The following AGK variants were observed in gnomAD, a reference collection of about 807,000 sequenced individuals.
AGK encodes acylglycerol kinase.
AGK carries 52 observed loss-of-function variants against 66.4 expected under a neutral mutation model. That is an observed-to-expected ratio of 0.78 (90% CI 0.63 to 0.99). The LOEUF is 0.99. AGK is among the 50% of genes least tolerant of loss of function. The pLI, the probability that AGK is intolerant of heterozygous loss-of-function variation, is 0.00. For synonymous variants in AGK, 182 were observed against 181.1 expected (o/e 1.00, Z -0.04); for missense variants, 451 against 506.6 (o/e 0.89, Z 1.05).
At chr7:141,623,672 C>A (rs954288352) in intron 9 of AGK, among the ~76,000 whole-genome samples, 1 of 152,206 alleles carries the variant, frequency 6.6e-6, no homozygotes, top group African/African-American at 2.4e-5. Flanking sequence ...CAGCAATTAG[C>A]TGATGGAGAA....
intron 5 of AGK, among the ~76,000 whole-genome samples, chr7:141,603,339 C>T (rs1430137538): frequency 6.6e-6 from 1 of 152,064 alleles, no homozygotes; most frequent in Admixed American, 6.6e-5. Flanking sequence ...ACTAAAGTTT[C>T]AGATTATTTC....
rs1038702660 is a variant in AGK at position 141,611,069 on chromosome 7, A to G, written c.298-126A>G. On this transcript the variant is annotated intron_variant, in intron 5 of 15. Coordinates refer to ENST00000649286, the MANE Select transcript of AGK (RefSeq NM_018238.4). ...TTTGATAGCTATTTTTTTCATGTCT[A>G]TCAGTTATGTAAAATTTACGAAGAC... 1.3e-5 allele frequency: 7 copies of G among 556,384 alleles called. No individual in the cohort carries two copies. In the South Asian group the frequency reaches 1.3e-4, roughly 10 times the overall value. 34.5% of individuals were successfully genotyped at this position (556,384 alleles called of 1,614,324 possible).
At chr7:141,649,158 A>G (rs1426284658) in intron 13 of AGK, 105 bp from the exon 14 acceptor site, 1 of 627,832 alleles carries the variant, frequency 1.6e-6, no homozygotes, top group Non-Finnish European at 2.8e-6. Flanking sequence ...AGAGTCCCCT[A>G]TCTATATATA....
intron 2 of AGK, among the ~76,000 whole-genome samples, chr7:141,585,334 T>C (rs983557254): frequency 6.6e-6 from 1 of 152,134 alleles, no homozygotes; most frequent in East Asian, 1.9e-4. Context: ...TTAGAAAAGC[T>C]CTCTCCCTCT....
intron 2 of AGK, among the ~76,000 whole-genome samples, chr7:141,578,832 A>G (rs950787103): frequency 3.3e-5 from 5 of 152,036 alleles, no homozygotes; most frequent in Non-Finnish European, 5.9e-5. Context: ...AGTCCAGGAC[A>G]TCCAATTAGA....
At chr7:141,571,580 G>A (rs780358144) in intron 2 of AGK, among the ~76,000 whole-genome samples, 1 of 152,114 alleles carries the variant, frequency 6.6e-6, no homozygotes, top group East Asian at 1.9e-4. Context: ...CCTGTTTTTG[G>A]TGATACTAAG....
rs573524177 is a variant in AGK at position 141,578,521 on chromosome 7, C to T, written c.102-14625C>T. ...TAAGAAAAATAACATAAAATAGTAT[C>T]GAAGTGTTGGGGCAGCAAAACTTTT... On this transcript the variant is annotated intron_variant, in intron 2 of 15. Coordinates refer to ENST00000649286, the MANE Select transcript of AGK (RefSeq NM_018238.4). 1.7e-4 allele frequency among the ~76,000 whole-genome samples: 26 copies of T among 151,648 alleles called. No homozygotes were observed. In the South Asian group the frequency reaches 2.3e-3, roughly 13 times the overall value.
Position 141,650,132 on chromosome 7 carries a change from C to T in AGK, c.1046+799C>T, listed in dbSNP as rs141611846. Among the ~76,000 whole-genome samples, 222 of 152,170 alleles carry T rather than the reference C, an allele frequency of 1.5e-3. 2 individuals carry two copies. Among genetic ancestry groups the T allele is most frequent in the African/African-American group, 4.9e-3 (202 of 41,504 alleles). On this transcript the variant is annotated intron_variant, in intron 14 of 15. Coordinates refer to ENST00000649286, the MANE Select transcript of AGK (RefSeq NM_018238.4). ...TAGGGATCACACATTTCTGCTGCAG[C>T]GGCCTGGTCTCCATGGCTACTTCAT...
At chr7:141,631,336 C>T (rs918745193) in intron 9 of AGK, among the ~76,000 whole-genome samples, 4 of 152,046 alleles carry the variant, frequency 2.6e-5, no homozygotes, top group African/African-American at 7.2e-5. Context: ...AGTGACTTGC[C>T]TAGGATCACT....
chr7:141,586,503 A>G (rs1795997556), intron 2 of AGK, among the ~76,000 whole-genome samples: 1 of 152,160 alleles, frequency 6.6e-6, no homozygotes, highest in African/African-American at 2.4e-5. Flanking sequence ...CCCTCTATCT[A>G]CGAGTGTGTG....
chr7:141,592,783 A>G (rs1796150047), intron 2 of AGK, among the ~76,000 whole-genome samples: 1 of 152,012 alleles, frequency 6.6e-6, no homozygotes, highest in Non-Finnish European at 1.5e-5. Context: ...AGCTCACTGC[A>G]ACCTCTGCCT....
intron 2 of AGK, among the ~76,000 whole-genome samples, chr7:141,588,617 GAA>G (rs80157616): frequency 2.1e-5 from 3 of 139,712 alleles, no homozygotes; most frequent in Admixed American, 7.2e-5. Flanking sequence ...CTTCGCCTCG[GAA>G]AAAAAAAAAA....
intron 2 of AGK, among the ~76,000 whole-genome samples, chr7:141,591,281 C>CG (rs1157075891): frequency 6.6e-6 from 1 of 151,596 alleles, no homozygotes; most frequent in African/African-American, 2.4e-5. Context: ...TTAGTAGAGA[C>CG]GGGGTCTCAC....
intron 10 of AGK, 71 bp downstream of exon 10, chr7:141,634,051 T>C (rs1797117437): frequency 2.4e-6 from 3 of 1,273,212 alleles, no homozygotes; most frequent in East Asian, 4.6e-5. Flanking sequence ...TTTCAGGTTT[T>C]AATTCACAGT....
intron 2 of AGK, among the ~76,000 whole-genome samples, chr7:141,564,819 T>G (rs1795435397): frequency 6.6e-6 from 1 of 152,076 alleles, no homozygotes; most frequent in African/African-American, 2.4e-5. Context: ...AACCTCTGCC[T>G]TCTGGGTTCA....
At chr7:141,607,987 T>G (rs1481830631) in intron 5 of AGK, among the ~76,000 whole-genome samples, 1 of 152,184 alleles carries the variant, frequency 6.6e-6, no homozygotes, top group Non-Finnish European at 1.5e-5. Context: ...TTTATTCTTT[T>G]ATTCATACAC....
intron 2 of AGK, among the ~76,000 whole-genome samples, chr7:141,580,991 A>G (rs1392597587): frequency 6.6e-6 from 1 of 151,910 alleles, no homozygotes; most frequent in Non-Finnish European, 1.5e-5. Flanking sequence ...TAGGATGGCA[A>G]AACCAGGTAT....
rs533275246 is a variant in AGK, at chr7:141,619,767, G to A, written c.519-1965G>A. On this transcript the variant is annotated intron_variant, in intron 8 of 15. Transcript: ENST00000649286. ...CAAATACGAAATGGTAGCCACTTTA[G>A]AAAATGGTTTGGCAGTTTCTTGTAA... 5.9e-5 allele frequency among the ~76,000 whole-genome samples: 9 copies of A among 151,634 alleles called. No individual in the cohort carries two copies. The South Asian group carries it at 1.5e-3, about 25-fold the overall frequency.
chr7:141,604,546 C>G (rs1047070336), intron 5 of AGK, among the ~76,000 whole-genome samples: 2 of 150,372 alleles, frequency 1.3e-5, no homozygotes, highest in African/African-American at 4.9e-5. Context: ...TTATCAAAAT[C>G]AAGAAATTAA....
Sources: gnomAD v4.1 joint callset for allele counts (sites outside exome capture counted in the v4.1 genomes callset) on GRCh38, gnomAD v4.1.1 for gene constraint, MANE v1.5 for transcripts, NCBI Gene and HGNC (gene_info 2026-07-23, HGNC 2026-07-21) for gene names.